Variants in SPA17 observed in about 807,000 individuals in gnomAD.
SPA17 encodes sperm surface protein Sp17.
In SPA17, 7 loss-of-function variants were observed where a neutral mutation model predicts 13.8. That is an observed-to-expected ratio of 0.51 (90% CI 0.29 to 0.95). SPA17 has a LOEUF of 0.95. SPA17 is among the 40% of genes least tolerant of loss of function. SPA17 has a pLI of 0.08. For missense variants in SPA17, 170 were observed against 179.3 expected (o/e 0.95, Z 0.30); for synonymous variants, 61 against 59.0 (o/e 1.03, Z -0.16).
chr11:124,679,625 A>G (rs57285397), intron 2 of SPA17, among the ~76,000 whole-genome samples: 18,907 of 152,232 alleles, frequency 0.12, 3,130 homozygotes, highest in African/African-American at 0.38. Flanking sequence ...GACCAACCCA[A>G]TACCAGTGAG....
intron 1 of SPA17, chr11:124,674,259 C>G (rs1160674963): frequency 1.3e-5 from 2 of 152,490 alleles, no homozygotes; most frequent in African/African-American, 4.8e-5. Context: ...AGAGAGGAGT[C>G]AGGCGTGGTG....
rs556604447 is a variant in SPA17, at chr11:124,677,440, G to A, written c.154+2022G>A. Among the ~76,000 whole-genome samples the A allele has an allele frequency of 1.2e-4, 19 of 152,054 alleles. No individual in the cohort carries two copies. In the South Asian group the frequency reaches 3.1e-3, roughly 25 times the overall value. ...GACTTTTTGTTATTTTAAGATAAAG[G>A]AAAAAGATAAAATTGGATCAATTTC... On this transcript the variant is annotated intron_variant, in intron 2 of 4. Transcript: ENST00000227135.
In SPA17 at chr11:124,696,250, C is replaced by G. The variant is rs533306332; in HGVS notation, c.*1804C>G. Reference sequence around the variant, plus strand: ...GTCCCTCCCATTCCACTGAAAGCACCAGCTTCTAACACCTTCCCCTCTCAG... The same window carrying G: ...GTCCCTCCCATTCCACTGAAAGCACGAGCTTCTAACACCTTCCCCTCTCAG... On this transcript the variant is annotated 3_prime_UTR_variant, in exon 5 of 5. Transcript: ENST00000227135. 4 of 152,310 alleles carry G rather than the reference C, an allele frequency of 2.6e-5. No individual in the cohort carries two copies. In the East Asian group the frequency reaches 7.7e-4, roughly 29 times the overall value. The allele number at this position is 152,310 out of a possible 1,614,324, so 9.4% of individuals were successfully genotyped here.
chr11:124,691,337 A>G (rs924594659), intron 3 of SPA17, among the ~76,000 whole-genome samples: 1 of 152,180 alleles, frequency 6.6e-6, no homozygotes. Context: ...TTTAGAAACT[A>G]TTGGATCCTC....
At chr11:124,676,289 C>T (rs1223517613) in intron 2 of SPA17, 1 of 152,208 alleles carries the variant, frequency 6.6e-6, no homozygotes, top group Non-Finnish European at 1.5e-5. Flanking sequence ...CACTGCACTC[C>T]ATCCTGGGCA....
chr11:124,697,003 T>C lies in SPA17; in HGVS notation c.*2557T>C, dbSNP rs1943679747. 1 of 152,200 alleles carries C rather than the reference T, an allele frequency of 6.6e-6. No individual in the cohort carries two copies. Among genetic ancestry groups the C allele is most frequent in the Non-Finnish European group, 1.5e-5 (1 of 68,040 alleles). 9.4% of individuals were successfully genotyped at this position (152,200 alleles called of 1,614,324 possible). On this transcript the variant is annotated 3_prime_UTR_variant, in exon 5 of 5. Coordinates refer to ENST00000227135, the MANE Select transcript of SPA17 (RefSeq NM_017425.4). ...CAGGCCAAAAACCTTGGATTCATCT[T>C]TAATGCGTCACTTTCTTTCACACCC... is the stretch of plus-strand genomic sequence containing the variant.
At chr11:124,686,382 A>G (rs1441142971) in intron 3 of SPA17, among the ~76,000 whole-genome samples, 1 of 152,192 alleles carries the variant, frequency 6.6e-6, no homozygotes, top group Non-Finnish European at 1.5e-5. Flanking sequence ...TCTTCATAAC[A>G]CTGTGAGAAT....
chr11:124,689,009 T>C (rs1414148714), intron 3 of SPA17, among the ~76,000 whole-genome samples: 3 of 152,166 alleles, frequency 2.0e-5, no homozygotes, highest in Admixed American at 6.5e-5. Flanking sequence ...AAATAAAGCA[T>C]ATACATATAG....
chr11:124,686,022 G>A (rs1943574847), intron 3 of SPA17, among the ~76,000 whole-genome samples: 1 of 152,154 alleles, frequency 6.6e-6, no homozygotes. Context: ...GGAGACTGTT[G>A]GAAAGGCATG....
intron 3 of SPA17, among the ~76,000 whole-genome samples, chr11:124,686,804 T>G: frequency 6.6e-6 from 1 of 152,134 alleles, no homozygotes; most frequent in Non-Finnish European, 1.5e-5. Flanking sequence ...AAAGTAGTGC[T>G]AAGAGAGAAG....
At chr11:124,688,452 T>C (rs565740427) in intron 3 of SPA17, among the ~76,000 whole-genome samples, 9 of 152,140 alleles carry the variant, frequency 5.9e-5, no homozygotes, top group Non-Finnish European at 1.3e-4. Flanking sequence ...AATAACAGTC[T>C]AACTGAGAAA....
chr11:124,688,389 A>G (rs1248231734), intron 3 of SPA17, among the ~76,000 whole-genome samples: 1 of 152,228 alleles, frequency 6.6e-6, no homozygotes, highest in East Asian at 1.9e-4. Flanking sequence ...GAATTCTGTA[A>G]AGTTGCAGGA....
Position 124,675,390 on chromosome 11 carries a change from T to C in SPA17, c.126T>C (p.Tyr42=), listed in dbSNP as rs765844918. ...ATATACCAGCTTTTGCAGCAGCCTA[T>C]TTTGAGAGCCTTCTAGAGAAAAGAG... is the stretch of plus-strand genomic sequence containing the variant. ...PDNIPAFAAA[Y]FESLLEKREK... Residue 42 remains tyrosine, a synonymous_variant, in exon 2 of 5, where the codon TAT becomes TAC. Transcript: ENST00000227135. 2.5e-6 allele frequency: 4 copies of C among 1,613,918 alleles called. No individual in the cohort carries two copies. In the Admixed American group the frequency reaches 5.0e-5, roughly 20 times the overall value.
intron 2 of SPA17, among the ~76,000 whole-genome samples, chr11:124,677,740 C>A (rs149157781): frequency 0.013 from 1,958 of 152,146 alleles, 25 homozygotes; most frequent in Non-Finnish European, 0.02. Context: ...AATTTATATC[C>A]CAATGGGTTA....
intron 2 of SPA17, among the ~76,000 whole-genome samples, chr11:124,678,516 CTG>C (rs60663679): frequency 0.067 from 9,485 of 142,428 alleles, 780 homozygotes; most frequent in African/African-American, 0.2. Flanking sequence ...GAATACATAA[CTG>C]TGTGTGTGTG....
intron 3 of SPA17, among the ~76,000 whole-genome samples, chr11:124,683,352 A>G (rs776056283): frequency 3.3e-5 from 5 of 152,124 alleles, no homozygotes; most frequent in Non-Finnish European, 5.9e-5. Context: ...AAATGGGCCC[A>G]CTACAGAATT....
Position 124,691,786 on chromosome 11 carries a change from T to A in SPA17, c.312+4T>A. 1 of 1,590,468 alleles carries A rather than the reference T, an allele frequency of 6.3e-7. No individual in the cohort carries two copies. The highest frequency in any genetic ancestry group is 1.1e-5 in the South Asian group (1 of 89,066). ...AGAGACATCAGTCACCATCTTAGTA[T>A]GTAATATTTTTCATGTACTATTGGA... On this transcript the variant is annotated splice_donor_region_variant and intron_variant, in intron 4 of 4. Coordinates refer to ENST00000227135, the MANE Select transcript of SPA17 (RefSeq NM_017425.4).
chr11:124,675,103 G>T, intron 1 of SPA17, 135 bp from the exon 2 acceptor site: 1 of 776,602 alleles, frequency 1.3e-6, no homozygotes, highest in East Asian at 2.8e-5. Context: ...AGAAATGGAT[G>T]GGCTTGGGTT....
intron 4 of SPA17, among the ~76,000 whole-genome samples, chr11:124,692,645 T>C (rs907898196): frequency 6.6e-6 from 1 of 152,088 alleles, no homozygotes. Context: ...TAATGTCACT[T>C]TAATAACTTG....
Sources: allele counts gnomAD v4.1 joint callset (sites outside exome capture counted in the v4.1 genomes callset), GRCh38; gene constraint gnomAD v4.1.1; transcripts MANE v1.5; gene names NCBI Gene and HGNC (gene_info 2026-07-23, HGNC 2026-07-21).